The following TOR1B variants were observed in gnomAD, a reference collection of about 807,000 sequenced individuals.
TOR1B encodes torsin family 1 member B.
A neutral mutation model predicts 29.2 loss-of-function variants in TOR1B; 14 were observed. That is an observed-to-expected ratio of 0.48 (90% confidence interval 0.32 to 0.75). The LOEUF (loss-of-function observed/expected upper bound fraction) is 0.75. TOR1B is among the 30% of genes least tolerant of loss of function. The pLI, the probability that TOR1B is intolerant of heterozygous loss-of-function variation, is 0.04. For synonymous variants in TOR1B, 166 were observed against 179.8 expected (o/e 0.92, Z 0.62); for missense variants, 400 against 433.9 (o/e 0.92, Z 0.69).
chr9:129,807,476 C>T, intron 3 of TOR1B, 113 bp downstream of exon 3: 1 of 1,256,924 alleles, frequency 8.0e-7, no homozygotes, highest in Admixed American at 2.1e-5. Flanking sequence ...GCCTGCTTGG[C>T]ACAAGGCACT....
At position 129,803,415 on chromosome 9, in the gene TOR1B, C is replaced by A. The variant is rs201987743; in HGVS notation, c.199+4C>A. 37 of 1,490,044 alleles carry A rather than the reference C, an allele frequency of 2.5e-5. 2 individuals are homozygous for A. In the Middle Eastern group the frequency reaches 7.2e-4, roughly 29 times the overall value. 92.3% of individuals were successfully genotyped at this position (1,490,044 alleles called of 1,614,324 possible). On this transcript the variant is annotated splice_donor_region_variant and intron_variant, in intron 1 of 4. Transcript: ENST00000259339. Reference sequence around the variant, plus strand: ...GAGCGGCCGCTCAACGCTTCGGGTACGGCGCGCGCGCGAGCTGTGGGTCGG... The same window carrying A: ...GAGCGGCCGCTCAACGCTTCGGGTAAGGCGCGCGCGCGAGCTGTGGGTCGG...
In TOR1B at chr9:129,809,393, T is replaced by C; in HGVS notation, c.821T>C (p.Ile274Thr). 6.2e-7 allele frequency: 1 copy of C among 1,614,166 alleles called. No homozygotes were observed. ...LIDKNLIDYF[I>T]PFLPLEYRHV... ...GACAAAAACCTCATTGATTACTTTA[T>C]CCCCTTCCTGCCTTTGGAGTACAGA... is the stretch of plus-strand genomic sequence containing the variant. The change falls in exon 5 of 5, where the codon ATC becomes ACC. Residue 274 changes from isoleucine to threonine, a missense_variant. Physicochemically the swap from Ile to Thr is moderately conservative, Grantham distance 89. Coordinates refer to ENST00000259339, the MANE Select transcript of TOR1B (RefSeq NM_014506.3).
rs542127314 is a variant in TOR1B at position 129,809,808 on chromosome 9, T to G, written c.*225T>G. 165 of 1,384,412 alleles carry G rather than the reference T, an allele frequency of 1.2e-4. 2 individuals carry two copies. In the South Asian group the frequency reaches 2.3e-3, roughly 20 times the overall value. 85.8% of individuals were successfully genotyped at this position (1,384,412 alleles called of 1,614,324 possible). On this transcript the variant is annotated 3_prime_UTR_variant, in exon 5 of 5. Coordinates refer to ENST00000259339, the MANE Select transcript of TOR1B (RefSeq NM_014506.3). ...AACCTCCGCTCCCGGTTTGAGTGAT[T>G]CTCATGCCTCAGCCTCCCGAGTAGC... is the stretch of plus-strand genomic sequence containing the variant.
intron 2 of TOR1B, 166 bp downstream of exon 2, chr9:129,804,504 A>G: frequency 1.2e-6 from 1 of 850,486 alleles, no homozygotes; most frequent in Non-Finnish European, 1.8e-6. Flanking sequence ...CTCCTACAAC[A>G]TTTCTCTTAC....
rs900544677 is a variant in TOR1B, at chr9:129,810,123, G to C, written c.*540G>C. ...CACAACTAAAGGAGTCCAGGGACTTGCTGCAGGCTGGGGGGCACTGGGTGG... is the reference window on the plus strand; with the variant it reads ...CACAACTAAAGGAGTCCAGGGACTTCCTGCAGGCTGGGGGGCACTGGGTGG... On this transcript the variant is annotated 3_prime_UTR_variant, in exon 5 of 5. Transcript: ENST00000259339. 1.2e-5 allele frequency: 16 copies of C among 1,298,216 alleles called. No homozygotes were observed. In the African/African-American group the frequency reaches 2.1e-4, roughly 17 times the overall value. 80.4% of individuals were successfully genotyped at this position (1,298,216 alleles called of 1,614,324 possible). A position where few individuals can be genotyped will look rare whatever the true frequency, so the allele number is the denominator to read the frequency against.
chr9:129,810,219 T>TTG lies in TOR1B; in HGVS notation c.*637_*638insGT, dbSNP rs1455813113. On this transcript the variant is annotated 3_prime_UTR_variant, in exon 5 of 5. Transcript: ENST00000259339. ...ACATCCTTTTGCTCTGTCTCGTTCT[T>TTG]TACACAGAGTTCACTGACTTGAAGT... 1.5e-6 allele frequency: 2 copies of TTG among 1,304,140 alleles called. No individual in the cohort carries two copies. The highest frequency in any genetic ancestry group is 3.0e-5 in the African/African-American group (2 of 65,856). 80.8% of individuals were successfully genotyped at this position (1,304,140 alleles called of 1,614,324 possible).
At chr9:129,803,468 G>T (rs1185552981) in intron 1 of TOR1B, 57 bp downstream of exon 1, 2 of 1,281,038 alleles carry the variant, frequency 1.6e-6, no homozygotes, top group African/African-American at 1.6e-5. Flanking sequence ...GGGCGCGGGG[G>T]CGCGGAGGGA....
At chr9:129,807,167 C>T (rs1199413772) in intron 2 of TOR1B, 21 bp from the exon 3 acceptor site, 20 of 1,610,388 alleles carry the variant, frequency 1.2e-5, no homozygotes, top group Middle Eastern at 1.6e-4. Context: ...CATCCTGTTT[C>T]TTCTTTCATG....
chr9:129,807,731 A>G (rs1164195582), intron 3 of TOR1B, among the ~76,000 whole-genome samples: 1 of 151,820 alleles, frequency 6.6e-6, no homozygotes, highest in Non-Finnish European at 1.5e-5. Flanking sequence ...CTGTAGTCCC[A>G]TCTACTCGGG....
At chr9:129,804,496 C>A in intron 2 of TOR1B, 158 bp downstream of exon 2, 1 of 894,602 alleles carries the variant, frequency 1.1e-6, no homozygotes, top group Non-Finnish European at 1.7e-6. Flanking sequence ...ACAAAGCTCT[C>A]CTACAACATT....
At chr9:129,806,819 AGGTT>A (rs1294056499) in intron 2 of TOR1B, among the ~76,000 whole-genome samples, 1 of 152,182 alleles carries the variant, frequency 6.6e-6, no homozygotes, top group East Asian at 1.9e-4. Flanking sequence ...CAAGAGGCAG[AGGTT>A]GCAGTGAGCT....
Position 129,804,232 on chromosome 9 carries a change from A to T in TOR1B, c.359A>T (p.Gln120Leu), listed in dbSNP as rs1426165391. 1 of 1,614,114 alleles carries T rather than the reference A, an allele frequency of 6.2e-7. No homozygotes were observed. Among genetic ancestry groups the T allele is most frequent in the Non-Finnish European group, 8.5e-7 (1 of 1,180,044 alleles). ...GGCACAGGCAAGAATTTTGTCAGTC[A>T]AATTGTGGCTGAAAATCTTCACCCA... is the stretch of plus-strand genomic sequence containing the variant. ...WAGTGKNFVS[Q>L]IVAENLHPKG... is the part of the protein sequence containing the mutation. The change falls in exon 2 of 5, where the codon CAA becomes CTA. Residue 120 changes from glutamine to leucine, a missense_variant. Transcript: ENST00000259339.
chr9:129,807,183 T>C lies in TOR1B; in HGVS notation c.466-5T>C. The C allele has an allele frequency of 1.9e-6, 3 of 1,613,892 alleles. No individual in the cohort carries two copies. Among genetic ancestry groups the C allele is most frequent in the Non-Finnish European group, 2.5e-6 (3 of 1,179,846 alleles). On this transcript the variant is annotated splice_region_variant and splice_polypyrimidine_tract_variant and intron_variant, in intron 2 of 4. Coordinates refer to ENST00000259339, the MANE Select transcript of TOR1B (RefSeq NM_014506.3). ...ATCCTGTTTCTTCTTTCATGGTTGG[T>C]CCAGGACCAGTTACAGAAGTGGATC...
chr9:129,807,910 G>A (rs371768222), intron 3 of TOR1B, among the ~76,000 whole-genome samples: 32 of 151,962 alleles, frequency 2.1e-4, no homozygotes, highest in African/African-American at 7.7e-4. Context: ...CGTGGCATGT[G>A]CCTGGAGTCC....
Position 129,803,353 on chromosome 9 carries a change from TGAC to T in TOR1B, c.142_144del (p.Asp48del). Reference sequence around the variant, plus strand: ...CCATCACCGGCTACCTGTCCTACAATGACATCTACTGCCGCTTCGCCGAGTGCT... The same window carrying T: ...CCATCACCGGCTACCTGTCCTACAATATCTACTGCCGCTTCGCCGAGTGCT... On this transcript the variant is annotated inframe_deletion, in exon 1 of 5. Transcript: ENST00000259339. 3.2e-6 allele frequency: 5 copies of T among 1,585,762 alleles called. No individual in the cohort carries two copies. Among genetic ancestry groups the T allele is most frequent in the Non-Finnish European group, 4.3e-6 (5 of 1,169,552 alleles).
In TOR1B at chr9:129,810,569, G is replaced by A. The variant is rs867846461; in HGVS notation, c.*986G>A. ...CATAGAGTTGAATCACAATGAGACC[G>A]TTGGCTTTGAATTTGAGTCGTTGGT... On this transcript the variant is annotated 3_prime_UTR_variant, in exon 5 of 5. Coordinates refer to ENST00000259339, the MANE Select transcript of TOR1B (RefSeq NM_014506.3). The A allele has an allele frequency of 1.7e-4, 77 of 464,616 alleles. No individual in the cohort carries two copies. Among genetic ancestry groups the A allele is most frequent in the African/African-American group, 1.0e-3 (51 of 48,662 alleles). 28.8% of individuals were successfully genotyped at this position (464,616 alleles called of 1,614,324 possible).
At chr9:129,809,071 G>T in intron 4 of TOR1B, 39 bp downstream of exon 4, 1 of 1,566,432 alleles carries the variant, frequency 6.4e-7, no homozygotes, top group South Asian at 1.2e-5. Flanking sequence ...TAACTGTCCA[G>T]CAGTGAGCCG....
In TOR1B at chr9:129,809,737, C is replaced by T; in HGVS notation, c.*154C>T. On this transcript the variant is annotated 3_prime_UTR_variant, in exon 5 of 5. Transcript: ENST00000259339. ...CTTTTTTTTGAGAAGAGGTCTCACT[C>T]CGTCATCCAAGCTGGAGTGCAGTGG... 7.0e-7 allele frequency: 1 copy of T among 1,438,022 alleles called. No homozygotes were observed. 89.1% of individuals were successfully genotyped at this position (1,438,022 alleles called of 1,614,324 possible). A position where few individuals can be genotyped will look rare whatever the true frequency, so the allele number is the denominator to read the frequency against.
intron 2 of TOR1B, among the ~76,000 whole-genome samples, chr9:129,806,120 CAAAAA>C (rs34263616): frequency 1.6e-5 from 2 of 122,616 alleles, no homozygotes; most frequent in Non-Finnish European, 1.7e-5. Flanking sequence ...GACTCTATCT[CAAAAA>C]AAAAAAAAAA....
Sources: gnomAD v4.1 joint callset for allele counts (sites outside exome capture counted in the v4.1 genomes callset) on GRCh38, gnomAD v4.1.1 for gene constraint, MANE v1.5 for transcripts, NCBI Gene and HGNC (gene_info 2026-07-23, HGNC 2026-07-21) for gene names.